EPRS1: variants seen among roughly 807,000 people sequenced by gnomAD.
EPRS1 encodes the protein bifunctional glutamate/proline--tRNA ligase.
In EPRS1, 107 loss-of-function variants were observed where a neutral mutation model predicts 188.3. The observed-to-expected ratio is 0.57, with a 90% CI of 0.49 to 0.67. The LOEUF (loss-of-function observed/expected upper bound fraction) is 0.67, where lower values mean the gene tolerates loss of function less well. Ranked by LOEUF, EPRS1 falls within the 30% of genes least tolerant of loss-of-function variation. EPRS1 has a pLI of 0.00. For synonymous variants in EPRS1, 596 were observed against 593.1 expected, an observed-to-expected ratio of 1.00 and a Z score of -0.07; for missense variants, 1,577 against 1,802.2, an observed-to-expected ratio of 0.88 and a Z score of 2.26.
intron 5 of EPRS1, 25 bp downstream of exon 5, chr1:220,032,362 T>TTA (rs1553254087): frequency 1.9e-5 from 29 of 1,503,386 alleles, no homozygotes; most frequent in African/African-American, 2.9e-5. Flanking sequence ...TTTTTTTTTT[T>TTA]AAAAAAAAAG....
At chr1:219,974,674 T>C (rs538644898) in intron 28 of EPRS1, among the ~76,000 whole-genome samples, 6 of 152,216 alleles carry the variant, frequency 3.9e-5, no homozygotes, top group African/African-American at 1.4e-4. Flanking sequence ...CAAAATGATA[T>C]TTAAAAAAAA....
At chr1:219,971,014 A>T (rs945712423) in intron 30 of EPRS1, among the ~76,000 whole-genome samples, 29 of 152,146 alleles carry the variant, frequency 1.9e-4, no homozygotes, top group African/African-American at 7.0e-4. Context: ...ATACGTTATG[A>T]CCATAAAAAT....
At position 220,018,448 on chromosome 1, in the gene EPRS1, C is replaced by A. The variant is rs377639302; in HGVS notation, c.1494+1G>T. On this transcript the variant is annotated splice_donor_variant, in intron 12 of 31. Transcript: ENST00000366923. LOFTEE classifies it high-confidence loss of function. ...AGAAGGCAGAGAGTTAACATACATA[C>A]CTTTTTGTTAAACGCCCAGATTTTG... The A allele has an allele frequency of 6.8e-6, 11 of 1,606,244 alleles. No homozygotes were observed. In the Admixed American group the frequency reaches 1.7e-4, roughly 24 times the overall value.
At chr1:219,985,525 C>T (rs1211096701) in intron 20 of EPRS1, among the ~76,000 whole-genome samples, 2 of 152,070 alleles carry the variant, frequency 1.3e-5, no homozygotes, top group African/African-American at 4.8e-5. Context: ...CCCTCCCCCA[C>T]CCAAGTAGCT....
intron 18 of EPRS1, among the ~76,000 whole-genome samples, chr1:219,993,294 AT>A (rs1661159867): frequency 6.6e-6 from 1 of 152,166 alleles, no homozygotes; most frequent in Non-Finnish European, 1.5e-5. Flanking sequence ...GTGTTATTAT[AT>A]CTTTGGTGTA....
chr1:220,029,714 G>C (rs766638232), intron 6 of EPRS1, among the ~76,000 whole-genome samples: 5 of 152,200 alleles, frequency 3.3e-5, no homozygotes, highest in Non-Finnish European at 7.3e-5. Flanking sequence ...ATCATTGGAA[G>C]GACGCTATTA....
intron 20 of EPRS1, among the ~76,000 whole-genome samples, chr1:219,984,959 G>C (rs190166948): frequency 6.6e-6 from 1 of 151,370 alleles, no homozygotes; most frequent in Non-Finnish European, 1.5e-5. Flanking sequence ...AGAATGAATC[G>C]CTTGAACCTG....
chr1:220,032,485 G>A lies in EPRS1; in HGVS notation c.430C>T (p.Pro144Ser). The A allele has an allele frequency of 6.2e-7, 1 of 1,613,790 alleles. No individual in the cohort carries two copies. The highest frequency in any genetic ancestry group is 8.5e-7 in the Non-Finnish European group (1 of 1,179,914). The change falls in exon 5 of 32, where the codon CCA becomes TCA. Residue 144 changes from proline (P) to serine (S), a missense_variant. Physicochemically the swap from Pro to Ser is moderately conservative, Grantham distance 74 (BLOSUM62 -1). Transcript: ENST00000366923. ...CCAAACCAACGTTTTACATGAACTGGAGCTTTCTTCTGTTTCAACTGTTCT... is the reference window on the plus strand; with the variant it reads ...CCAAACCAACGTTTTACATGAACTGAAGCTTTCTTCTGTTTCAACTGTTCT... ...WQEQLKQKKA[P>S]VHVKRWFGFL...
chr1:220,006,003 A>G (rs1661460478), intron 15 of EPRS1, 103 bp downstream of exon 15: 2 of 611,468 alleles, frequency 3.3e-6, no homozygotes, highest in South Asian at 5.9e-5. Flanking sequence ...AAAATTCTAC[A>G]CATCTTATCC....
At chr1:220,044,711 A>AAAAAAAAAAAT (rs1558064845) in intron 1 of EPRS1, among the ~76,000 whole-genome samples, 1 of 124,896 alleles carries the variant, frequency 8.0e-6, no homozygotes, top group African/African-American at 2.9e-5. Flanking sequence ...AAAAAAAAAA[A>AAAAAAAAAAAT]AACAGTATCA....
At chr1:220,013,179 G>T (rs140104125) in intron 12 of EPRS1, among the ~76,000 whole-genome samples, 84 of 152,244 alleles carry the variant, frequency 5.5e-4, no homozygotes, top group Middle Eastern at 3.4e-3. Flanking sequence ...TTAAATAAAA[G>T]CTAGAAGAAA....
At chr1:219,974,631 G>C (rs1660740865) in intron 28 of EPRS1, among the ~76,000 whole-genome samples, 2 of 151,700 alleles carry the variant, frequency 1.3e-5, no homozygotes, top group South Asian at 4.1e-4. Flanking sequence ...TACTCTAGAA[G>C]TCCTTATTTA....
In EPRS1 at chr1:219,983,245, C is replaced by T. The variant is rs148426546; in HGVS notation, c.3244G>A (p.Val1082Met). The change falls in exon 22 of 32, where the codon GTG becomes ATG. Residue 1082 changes from valine (V) to methionine (M), a missense_variant. Val to Met is a conservative substitution (Grantham distance 21). This residue lies in a region of EPRS1 where 1,278 missense variants were observed against 1,457.4 expected (regional missense o/e 0.88). Coordinates refer to ENST00000366923, the MANE Select transcript of EPRS1 (RefSeq NM_004446.3). ...TCTTTCTCTAATGCACTTTGAGACA[C>T]AAACATGGGGAAGTAGCAGTTTTCA... Reference protein sequence around the residue: ...GVENCYFPMFVSQSALEKEKT... With the variant: ...GVENCYFPMFMSQSALEKEKT... 1.2e-6 allele frequency: 2 copies of T among 1,614,004 alleles called. No individual in the cohort carries two copies. Among genetic ancestry groups the T allele is most frequent in the African/African-American group, 2.7e-5 (2 of 74,924 alleles).
chr1:220,031,532 A>G (rs914585762), intron 5 of EPRS1, among the ~76,000 whole-genome samples: 1 of 152,258 alleles, frequency 6.6e-6, no homozygotes, highest in Non-Finnish European at 1.5e-5. Flanking sequence ...GTGAAGGATG[A>G]GTAAAGATTT....
At chr1:219,995,159 A>G (rs1397268510) in intron 18 of EPRS1, among the ~76,000 whole-genome samples, 1 of 152,190 alleles carries the variant, frequency 6.6e-6, no homozygotes. Context: ...AAAATACCTA[A>G]TAAAAGTACC....
intron 17 of EPRS1, among the ~76,000 whole-genome samples, chr1:219,998,394 C>A (rs1453201345): frequency 6.6e-6 from 1 of 152,110 alleles, no homozygotes; most frequent in East Asian, 1.9e-4. Context: ...AAAATTCCTT[C>A]CCCATAATTC....
At chr1:220,012,127 CTATTT>C (rs2102584200) in intron 12 of EPRS1, among the ~76,000 whole-genome samples, 1 of 152,218 alleles carries the variant, frequency 6.6e-6, no homozygotes, top group East Asian at 1.9e-4. Context: ...GTTTGAAAAG[CTATTT>C]AACTTCTCCT....
Position 220,020,077 on chromosome 1 carries a change from A to T in EPRS1, c.1260T>A (p.Ile420=). Residue 420 remains isoleucine (I), a synonymous_variant, in exon 10 of 32, where the codon ATT becomes ATA. Transcript: ENST00000366923. The part of the protein sequence containing the change: ...IEALGIRKPY[I]WEYSRLNLNN... ...TGAGATTTAGCCGACTATATTCCCA[A>T]ATATATGGTTTTCTTATGCCTAAAG... The T allele has an allele frequency of 1.2e-6, 2 of 1,614,092 alleles. No homozygotes were observed. The highest frequency in any genetic ancestry group is 1.3e-5 in the African/African-American group (1 of 75,036).
chr1:219,988,886 C>A, intron 18 of EPRS1, 63 bp from the exon 19 acceptor site: 1 of 1,035,530 alleles, frequency 9.7e-7, no homozygotes, highest in Non-Finnish European at 1.4e-6. Context: ...ATTTCAATGC[C>A]ATTTAAAAAT....
Sources: allele counts gnomAD v4.1 joint callset (sites outside exome capture counted in the v4.1 genomes callset), GRCh38; gene constraint gnomAD v4.1.1; regional missense constraint gnomAD v4.1.1; transcripts MANE v1.5; gene names NCBI Gene and HGNC (gene_info 2026-07-23, HGNC 2026-07-21).